CAPN14: variants seen among roughly 807,000 people sequenced by gnomAD.
CAPN14 encodes the protein calpain 14, also known as calpain-14.
A neutral mutation model predicts 101.3 loss-of-function variants in CAPN14; 94 were observed. The ratio of observed to expected loss-of-function variants is 0.93; its 90% confidence interval spans 0.79 to 1.10. CAPN14 has a LOEUF of 1.10. Among genes scored for constraint, CAPN14 ranks in the 50% least tolerant of loss-of-function variants. CAPN14 has a pLI of 0.00. For missense variants in CAPN14, 837 were observed against 828.4 expected (o/e 1.01, Z -0.13); for synonymous variants, 338 against 317.9 (o/e 1.06, Z -0.67).
At chr2:31,179,891 C>T (rs1470122155) in intron 17 of CAPN14, among the ~76,000 whole-genome samples, 7 of 152,100 alleles carry the variant, frequency 4.6e-5, no homozygotes, top group African/African-American at 1.7e-4. Context: ...CATATCAAGG[C>T]AGGATATTTT....
At chr2:31,223,339 A>G (rs1446737278) in intron 2 of CAPN14, among the ~76,000 whole-genome samples, 1 of 152,174 alleles carries the variant, frequency 6.6e-6, no homozygotes, top group Admixed American at 6.5e-5. Flanking sequence ...CTTCAAATGT[A>G]ACTTTCAAAT....
At chr2:31,201,791 C>G in intron 5 of CAPN14, 71 bp downstream of exon 5, 1 of 1,521,198 alleles carries the variant, frequency 6.6e-7, no homozygotes, top group Admixed American at 2.0e-5. Flanking sequence ...CCTGACTCCA[C>G]TCCCCTCCCT....
At chr2:31,200,175 T>G (rs1681679527) in intron 6 of CAPN14, among the ~76,000 whole-genome samples, 2 of 152,126 alleles carry the variant, frequency 1.3e-5, no homozygotes, top group South Asian at 4.1e-4. Flanking sequence ...GGCTAATTTT[T>G]GCATTTTTCA....
At chr2:31,209,884 GA>G (rs201974148) in intron 1 of CAPN14, among the ~76,000 whole-genome samples, 12 of 149,338 alleles carry the variant, frequency 8.0e-5, no homozygotes, top group East Asian at 2.0e-4. Context: ...CCTTTTAAAA[GA>G]AAAAAAAAAT....
chr2:31,218,042 C>G (rs1415979152), upstream of CAPN14, among the ~76,000 whole-genome samples: 1 of 152,082 alleles, frequency 6.6e-6, no homozygotes, highest in South Asian at 2.1e-4. Flanking sequence ...CTATTGAGAT[C>G]GCTCCCTCTT....
At chr2:31,174,943 A>G (rs1306476548) in intron 21 of CAPN14, among the ~76,000 whole-genome samples, 1 of 152,176 alleles carries the variant, frequency 6.6e-6, no homozygotes, top group Non-Finnish European at 1.5e-5. Flanking sequence ...TTCAGTTCTC[A>G]ATGAATTTTT....
rs1374853924 is a variant in CAPN14 at position 31,205,518 on chromosome 2, G to A, written c.-52-19C>T. The A allele has an allele frequency of 2.3e-5, 29 of 1,265,520 alleles. No individual in the cohort carries two copies. The highest frequency in any genetic ancestry group is 8.0e-5 in the Admixed American group (4 of 50,172). 78.4% of individuals were successfully genotyped at this position (1,265,520 alleles called of 1,614,324 possible). A position where few individuals can be genotyped will look rare whatever the true frequency, so the allele number is the denominator to read the frequency against. On this transcript the variant is annotated intron_variant, in intron 1 of 21. Transcript: ENST00000403897. ...GCTGCTCCTGAAATGGAGAGAGGAC[G>A]GTCAGTTTCCTCACTTCCTCCTTGT... is the stretch of plus-strand genomic sequence containing the variant.
intron 1 of CAPN14, among the ~76,000 whole-genome samples, chr2:31,207,052 C>A (rs1053919894): frequency 2.0e-5 from 3 of 152,230 alleles, no homozygotes; most frequent in Non-Finnish European, 4.4e-5. Context: ...ACTCCCATAA[C>A]AATGTTCAGC....
intron 5 of CAPN14, among the ~76,000 whole-genome samples, chr2:31,201,387 G>A (rs1325358356): frequency 6.6e-6 from 1 of 152,084 alleles, no homozygotes; most frequent in Non-Finnish European, 1.5e-5. Flanking sequence ...TGATCAGGCC[G>A]CCCCACAGGG....
chr2:31,185,576 C>A (rs1446123714), intron 16 of CAPN14, among the ~76,000 whole-genome samples: 1 of 152,144 alleles, frequency 6.6e-6, no homozygotes, highest in Non-Finnish European at 1.5e-5. Flanking sequence ...TAGAATTAGC[C>A]TAGAATTCTT....
chr2:31,214,315 A>T (rs138414740), intron 1 of CAPN14, among the ~76,000 whole-genome samples: 2 of 152,192 alleles, frequency 1.3e-5, no homozygotes, highest in African/African-American at 4.8e-5. Flanking sequence ...TGAACTGTCA[A>T]TCACTTGGCT....
intron 16 of CAPN14, among the ~76,000 whole-genome samples, chr2:31,185,499 A>G (rs573267901): frequency 6.6e-6 from 1 of 152,370 alleles, no homozygotes; most frequent in African/African-American, 2.4e-5. Context: ...ACCATTTTGT[A>G]TATATGCAAT....
intron 1 of CAPN14, among the ~76,000 whole-genome samples, chr2:31,211,286 A>G (rs1038849176): frequency 1.3e-5 from 2 of 152,012 alleles, no homozygotes; most frequent in African/African-American, 4.8e-5. Context: ...AAAATCAGAA[A>G]GCAAAAAAAA....
At chr2:31,214,052 G>A (rs1297794701) in intron 1 of CAPN14, among the ~76,000 whole-genome samples, 2 of 152,172 alleles carry the variant, frequency 1.3e-5, no homozygotes, top group Admixed American at 6.5e-5. Context: ...AATGATGAAT[G>A]TGGCCCAACT....
At chr2:31,200,265 A>G (rs1681686427) in intron 6 of CAPN14, among the ~76,000 whole-genome samples, 186 bp downstream of exon 6, 1 of 152,100 alleles carries the variant, frequency 6.6e-6, no homozygotes, top group South Asian at 2.1e-4. Flanking sequence ...TGGGCCTCCC[A>G]AAGTGCTGGG....
rs192729797 is a variant in CAPN14, at chr2:31,193,891, C to T, written c.950+518G>A. 6.6e-5 allele frequency among the ~76,000 whole-genome samples: 10 copies of T among 152,080 alleles called. No homozygotes were observed. In the East Asian group the frequency reaches 9.7e-4, roughly 15 times the overall value. On this transcript the variant is annotated intron_variant, in intron 9 of 21. Coordinates refer to ENST00000403897, the MANE Select transcript of CAPN14 (RefSeq NM_001145122.2). ...GAACGAGGGTTGACATTCACAGTAA[C>T]GGTGGTGAGCAAAAGCAAAGGAGAA...
chr2:31,215,371 A>G (rs1480931853), intron 1 of CAPN14, among the ~76,000 whole-genome samples: 1 of 151,796 alleles, frequency 6.6e-6, no homozygotes, highest in Admixed American at 6.6e-5. Flanking sequence ...CTGATCCTGC[A>G]TTTGCCATAG....
At chr2:31,210,303 C>T (rs1185090879) in intron 1 of CAPN14, among the ~76,000 whole-genome samples, 2 of 152,028 alleles carry the variant, frequency 1.3e-5, no homozygotes, top group Non-Finnish European at 2.9e-5. Context: ...AAAAAATTAG[C>T]CGGGCGTGGT....
intron 1 of CAPN14, among the ~76,000 whole-genome samples, chr2:31,211,484 C>A (rs1212533951): frequency 6.6e-6 from 1 of 152,042 alleles, no homozygotes; most frequent in African/African-American, 2.4e-5. Flanking sequence ...GAAAAAAAAT[C>A]TATTCTTCAT....
Sources: gnomAD v4.1 joint callset for allele counts (sites outside exome capture counted in the v4.1 genomes callset) on GRCh38, gnomAD v4.1.1 for gene constraint, MANE v1.5 for transcripts, NCBI Gene and HGNC (gene_info 2026-07-23, HGNC 2026-07-21) for gene names.